Variants in CTNNA2 observed in about 807,000 individuals in gnomAD.
The protein encoded by CTNNA2 is catenin alpha 2, also known as catenin alpha-2.
A neutral mutation model predicts 101.0 loss-of-function variants in CTNNA2; 42 were observed. That is an observed-to-expected ratio of 0.42 (90% CI 0.32 to 0.54). The LOEUF is 0.54. Ranked by LOEUF, CTNNA2 falls within the 20% of genes least tolerant of loss-of-function variation. The probability of loss-of-function intolerance (pLI) is 0.14; values close to 1 mark genes in which losing one functional copy is unlikely to be tolerated. For synonymous variants in CTNNA2, 450 were observed against 456.4 expected (o/e 0.99, Z 0.18); for missense variants, 871 against 1,223.1 (o/e 0.71, Z 4.29).
intron 2 of CTNNA2, among the ~76,000 whole-genome samples, chr2:79,714,608 A>G (rs1470417321): frequency 6.8e-6 from 1 of 146,428 alleles, no homozygotes; most frequent in African/African-American, 2.7e-5. Flanking sequence ...ACTTCAAACC[A>G]TCACTGTTAG....
chr2:79,211,209 C>T (rs1041925574), intron 2 of CTNNA2, among the ~76,000 whole-genome samples: 35 of 152,142 alleles, frequency 2.3e-4, no homozygotes, highest in African/African-American at 8.4e-4. Flanking sequence ...GTAAAGATAA[C>T]CATTTATTTC....
At chr2:80,415,954 G>A (rs1247275769) in intron 8 of CTNNA2, among the ~76,000 whole-genome samples, 1 of 152,240 alleles carries the variant, frequency 6.6e-6, no homozygotes. Flanking sequence ...GACAAATACT[G>A]TATGGCATCA....
intron 3 of CTNNA2, among the ~76,000 whole-genome samples, chr2:79,362,215 C>G (rs775660948): frequency 6.6e-6 from 1 of 152,180 alleles, no homozygotes; most frequent in Non-Finnish European, 1.5e-5. Context: ...TCCTGGCAAA[C>G]ACTTTCATTC....
At chr2:79,641,262 C>T (rs1573547741) in intron 1 of CTNNA2, among the ~76,000 whole-genome samples, 1 of 152,188 alleles carries the variant, frequency 6.6e-6, no homozygotes, top group Admixed American at 6.5e-5. Flanking sequence ...TAAAGGAAGG[C>T]AGTTTGGTGG....
intron 4 of CTNNA2, among the ~76,000 whole-genome samples, chr2:79,411,104 T>A (rs1239500057): frequency 6.6e-6 from 1 of 152,192 alleles, no homozygotes; most frequent in African/African-American, 2.4e-5. Context: ...GTTTCTGGTA[T>A]TCTCAGATGG....
At chr2:80,321,664 C>CA (rs1678705605) in intron 7 of CTNNA2, among the ~76,000 whole-genome samples, 1 of 152,046 alleles carries the variant, frequency 6.6e-6, no homozygotes, top group South Asian at 2.1e-4. Flanking sequence ...TCTGATATAT[C>CA]AAAAAAGTCT....
chr2:79,243,366 A>G (rs1471076981), intron 2 of CTNNA2, among the ~76,000 whole-genome samples: 1 of 152,220 alleles, frequency 6.6e-6, no homozygotes, highest in Non-Finnish European at 1.5e-5. Flanking sequence ...TATAGAGGGC[A>G]TAGTGTGCAG....
Position 80,303,073 on chromosome 2 carries a change from G to A in CTNNA2, c.1057-90138G>A, listed in dbSNP as rs770677457. 6.2e-7 allele frequency: 1 copy of A among 1,614,016 alleles called. No homozygotes were observed. Among genetic ancestry groups the A allele is most frequent in the Non-Finnish European group, 8.5e-7 (1 of 1,180,026 alleles). On this transcript the variant is annotated intron_variant, in intron 7 of 18. Coordinates refer to ENST00000402739, the MANE Select transcript of CTNNA2 (RefSeq NM_001282597.3). This position sits in a 1 kb window ranked among gnomAD's most constrained non-coding sequence, Gnocchi z 7.7. ...GGTTCCAAACCCAGTCCAGCGAGCT[G>A]ACCACAATGGCCACCTTGTTCCTCC...
intron 9 of CTNNA2, among the ~76,000 whole-genome samples, chr2:80,434,438 C>T (rs1574031695): frequency 1.3e-5 from 2 of 149,470 alleles, no homozygotes; most frequent in South Asian, 2.1e-4. Flanking sequence ...AGCTGATGAT[C>T]GCTACTTCGA....
At chr2:80,577,937 C>T (rs183373110) in intron 13 of CTNNA2, among the ~76,000 whole-genome samples, 24 of 152,206 alleles carry the variant, frequency 1.6e-4, no homozygotes, top group South Asian at 8.3e-4. Flanking sequence ...GTCATTTCAC[C>T]GGGACTCATT....
At chr2:79,209,603 T>C (rs1674143132) in intron 2 of CTNNA2, among the ~76,000 whole-genome samples, 1 of 152,202 alleles carries the variant, frequency 6.6e-6, no homozygotes, top group Non-Finnish European at 1.5e-5. Flanking sequence ...TGGAAACCAA[T>C]GATTCACTGT....
intron 3 of CTNNA2, among the ~76,000 whole-genome samples, chr2:79,761,120 C>T (rs1429067494): frequency 6.6e-6 from 1 of 152,090 alleles, no homozygotes; most frequent in Non-Finnish European, 1.5e-5. Context: ...AATTAAATTG[C>T]TTTTAAAGAC....
At chr2:79,725,123 T>C (rs547889043) in intron 2 of CTNNA2, among the ~76,000 whole-genome samples, 12 of 152,206 alleles carry the variant, frequency 7.9e-5, no homozygotes, top group Admixed American at 4.6e-4. Context: ...AATTCCATGA[T>C]GATATATGTC....
chr2:79,217,324 T>G (rs929477679), intron 2 of CTNNA2, among the ~76,000 whole-genome samples: 7 of 152,164 alleles, frequency 4.6e-5, no homozygotes, highest in African/African-American at 1.7e-4. Flanking sequence ...TGAGTCCGTG[T>G]GAAGAGACCA....
intron 6 of CTNNA2, among the ~76,000 whole-genome samples, chr2:79,893,934 A>G (rs1433588717): frequency 1.3e-5 from 2 of 152,114 alleles, no homozygotes; most frequent in African/African-American, 2.4e-5. Context: ...ATTTTTAAGT[A>G]TCTGAAAAAT....
chr2:80,319,149 GA>G (rs2149243182), intron 7 of CTNNA2, among the ~76,000 whole-genome samples: 2 of 152,210 alleles, frequency 1.3e-5, no homozygotes, highest in South Asian at 2.1e-4. Context: ...ACTATGTTCA[GA>G]CAGTAATAAC....
chr2:79,207,802 A>T (rs1041334719), intron 2 of CTNNA2, among the ~76,000 whole-genome samples: 4 of 152,158 alleles, frequency 2.6e-5, no homozygotes, highest in Non-Finnish European at 5.9e-5. Context: ...GGAGGAGTCC[A>T]CCAGAAGAGG....
At chr2:79,602,663 A>T (rs964182894) in intron 1 of CTNNA2, among the ~76,000 whole-genome samples, 1 of 152,188 alleles carries the variant, frequency 6.6e-6, no homozygotes, top group Admixed American at 6.5e-5. Context: ...AGGTTTCTGG[A>T]TATTAGGCCA....
At chr2:80,280,907 T>G (rs1431183820) in intron 7 of CTNNA2, among the ~76,000 whole-genome samples, 1 of 152,166 alleles carries the variant, frequency 6.6e-6, no homozygotes, top group Non-Finnish European at 1.5e-5. Context: ...ACTGGGGGTC[T>G]TAGAATATAC....
Sources: gnomAD v4.1 joint callset for allele counts (sites outside exome capture counted in the v4.1 genomes callset) on GRCh38, gnomAD v4.1.1 for gene constraint, Gnocchi (gnomAD v3.1) non-coding constraint, MANE v1.5 for transcripts, NCBI Gene and HGNC (gene_info 2026-07-23, HGNC 2026-07-21) for gene names.